ERICH1: variants seen among roughly 807,000 people sequenced by gnomAD.
ERICH1 encodes the protein glutamate-rich protein 1.
A neutral mutation model predicts 39.6 loss-of-function variants in ERICH1; 56 were observed. That is an observed-to-expected ratio of 1.41 (90% CI 1.14 to 1.77). ERICH1 has a LOEUF of 1.77. ERICH1 is among the 40% of genes most tolerant of loss of function. The pLI is 0.00. For synonymous variants in ERICH1, 313 were observed against 223.6 expected (o/e 1.40, Z -3.57); for missense variants, 826 against 575.4 (o/e 1.44, Z -4.45).
At chr8:673,197 G>A (rs970373558) in intron 4 of ERICH1, 92 bp downstream of exon 4, 2 of 1,379,972 alleles carry the variant, frequency 1.4e-6, no homozygotes, top group East Asian at 4.9e-5. Flanking sequence ...TATTTTTAAA[G>A]TATGTTTTAA....
intron 1 of ERICH1, among the ~76,000 whole-genome samples, chr8:719,129 G>A (rs1016882275): frequency 5.3e-5 from 8 of 151,882 alleles, no homozygotes; most frequent in East Asian, 2.0e-4. Flanking sequence ...CCCGACCCTC[G>A]GGGCTTTGCC....
At chr8:656,251 G>A (rs775425732) in intron 3 of ERICH1, among the ~76,000 whole-genome samples, 16 of 152,124 alleles carry the variant, frequency 1.1e-4, no homozygotes, top group Non-Finnish European at 2.1e-4. Context: ...GGTGCTCAGT[G>A]CCAGCAGCTG....
intron 3 of ERICH1, among the ~76,000 whole-genome samples, chr8:650,440 G>A (rs1251699240): frequency 2.8e-4 from 43 of 152,142 alleles, no homozygotes; most frequent in Admixed American, 2.8e-3. Context: ...GCCTTAACTC[G>A]TTTTCCATCT....
chr8:653,776 C>T (rs993655367), intron 3 of ERICH1, among the ~76,000 whole-genome samples: 14 of 152,026 alleles, frequency 9.2e-5, no homozygotes, highest in African/African-American at 3.4e-4. Flanking sequence ...CACAGAAGGA[C>T]GAATCCCGCA....
At chr8:683,287 G>C (rs770914585) in intron 3 of ERICH1, among the ~76,000 whole-genome samples, 30 of 152,238 alleles carry the variant, frequency 2.0e-4, no homozygotes, top group Admixed American at 4.6e-4. Context: ...TGGCCTTTGA[G>C]GATAAAATTC....
At chr8:624,223 A>G (rs1319774980) in intron 3 of ERICH1, among the ~76,000 whole-genome samples, 6 of 152,214 alleles carry the variant, frequency 3.9e-5, no homozygotes, top group Non-Finnish European at 7.3e-5. Context: ...GGATGGCTAG[A>G]TGAGAAAGAT....
At chr8:719,185 C>A (rs1235759998) in intron 1 of ERICH1, among the ~76,000 whole-genome samples, 1 of 152,208 alleles carries the variant, frequency 6.6e-6, no homozygotes, top group African/African-American at 2.4e-5. Context: ...GCCGTTTCAA[C>A]CGTGAAAACT....
At chr8:679,451 C>T (rs935782063) in intron 3 of ERICH1, among the ~76,000 whole-genome samples, 1 of 151,780 alleles carries the variant, frequency 6.6e-6, no homozygotes, top group Non-Finnish European at 1.5e-5. Context: ...AGCTCCCACC[C>T]CTCACAGCAC....
At chr8:653,286 T>C (rs1239172226) in intron 3 of ERICH1, among the ~76,000 whole-genome samples, 4 of 152,256 alleles carry the variant, frequency 2.6e-5, no homozygotes, top group Non-Finnish European at 5.9e-5. Flanking sequence ...AGGACGTCTA[T>C]GTTTGAGTCC....
intron 1 of ERICH1, among the ~76,000 whole-genome samples, chr8:723,976 G>C (rs994524198): frequency 2.0e-5 from 3 of 152,136 alleles, no homozygotes; most frequent in African/African-American, 7.2e-5. Context: ...GAGGAGTTTC[G>C]TAACAGAATG....
intron 2 of ERICH1, among the ~76,000 whole-genome samples, 187 bp downstream of exon 2, chr8:715,674 G>C (rs1376510755): frequency 6.6e-6 from 1 of 152,230 alleles, no homozygotes; most frequent in Middle Eastern, 3.2e-3. Context: ...CCTTGGCTGG[G>C]GAGTCCACAG....
At chr8:646,853 C>A (rs11991018) in intron 3 of ERICH1, among the ~76,000 whole-genome samples, 1,765 of 69,472 alleles carry the variant, frequency 0.025, 618 homozygotes, top group African/African-American at 0.061. Context: ...GTCCAGTGAA[C>A]CAGGTGCCCT....
chr8:730,067 G>A (rs766960687), intron 1 of ERICH1, among the ~76,000 whole-genome samples: 3 of 152,146 alleles, frequency 2.0e-5, no homozygotes, highest in Non-Finnish European at 4.4e-5. Flanking sequence ...CAGCCTGCCA[G>A]CCCTGCTTCC....
intron 3 of ERICH1, chr8:626,822 A>C: frequency 3.9e-6 from 1 of 256,492 alleles, no homozygotes; most frequent in Non-Finnish European, 8.2e-6. Flanking sequence ...ATATCACATC[A>C]TGGAGTTTTT....
intron 3 of ERICH1, among the ~76,000 whole-genome samples, chr8:618,514 C>T (rs1412506273): frequency 2.0e-5 from 3 of 152,218 alleles, no homozygotes; most frequent in African/African-American, 7.2e-5. Flanking sequence ...ATGGCATAAG[C>T]TCAGTGGGTA....
chr8:668,476 G>T, intron 5 of ERICH1, 122 bp downstream of exon 5: 1 of 908,918 alleles, frequency 1.1e-6, no homozygotes, highest in Non-Finnish European at 1.8e-6. Context: ...ATTCTCCCAT[G>T]CCATATGTGC....
intron 3 of ERICH1, among the ~76,000 whole-genome samples, chr8:680,608 G>T (rs529791246): frequency 6.7e-6 from 1 of 149,818 alleles, no homozygotes; most frequent in East Asian, 2.1e-4. Flanking sequence ...ATCCACAGCT[G>T]CCACCCCTGT....
intron 3 of ERICH1, among the ~76,000 whole-genome samples, chr8:655,173 C>T (rs1005505959): frequency 8.5e-5 from 13 of 152,296 alleles, no homozygotes; most frequent in African/African-American, 2.2e-4. Context: ...GAAGAGCAGC[C>T]GCGTTTGATT....
intron 1 of ERICH1, among the ~76,000 whole-genome samples, chr8:716,524 G>C (rs908521524): frequency 6.6e-6 from 1 of 152,242 alleles, no homozygotes; most frequent in African/African-American, 2.4e-5. Flanking sequence ...TAAACTGAAC[G>C]TGTCAACAAC....
Sources: allele counts gnomAD v4.1 joint callset (sites outside exome capture counted in the v4.1 genomes callset), GRCh38; gene constraint gnomAD v4.1.1; transcripts MANE v1.5; gene names NCBI Gene and HGNC (gene_info 2026-07-23, HGNC 2026-07-21).